USP9X: variants seen among roughly 807,000 people sequenced by gnomAD.
The protein encoded by USP9X is ubiquitin carboxyl-terminal hydrolase 9X.
In USP9X, 7 loss-of-function variants were observed where a neutral mutation model predicts 190.3. The ratio of observed to expected loss-of-function variants is 0.04; its 90% CI spans 0.02 to 0.07. USP9X has a LOEUF of 0.07. Ranked by LOEUF, USP9X falls within the 10% of genes least tolerant of loss-of-function variation. The pLI, the probability that USP9X is intolerant of heterozygous loss-of-function variation, is 1.00. For synonymous variants in USP9X, 645 were observed against 659.5 expected (o/e 0.98, Z 0.34); for missense variants, 1,010 against 1,916.9 (o/e 0.53, Z 8.83).
At chrX:41,177,616 G>A (rs1444179360) in intron 21 of USP9X, among the ~76,000 whole-genome samples, 5 of 112,111 alleles carry the variant, frequency 4.5e-5, no homozygotes, top group African/African-American at 6.5e-5. Context: ...TTGAGACTTC[G>A]TAACTATCTT....
At chrX:41,205,718 A>G (rs922437730) in intron 32 of USP9X, among the ~76,000 whole-genome samples, 3 of 107,364 alleles carry the variant, frequency 2.8e-5, no homozygotes, top group Non-Finnish European at 3.8e-5. Flanking sequence ...TCTCTTAACC[A>G]TATTATTAAC....
chrX:41,119,252 T>C (rs1245035098), intron 1 of USP9X, among the ~76,000 whole-genome samples: 2 of 110,900 alleles, frequency 1.8e-5, no homozygotes. Context: ...GTGGCTCACA[T>C]CTGTAATCCT....
At chrX:41,216,916 ACCTGTAGTCCCAGCTACTC>A (rs1018335286) in intron 35 of USP9X, among the ~76,000 whole-genome samples, 72 of 110,155 alleles carry the variant, frequency 6.5e-4, no homozygotes, top group African/African-American at 1.7e-3. Flanking sequence ...GGTGGCATGC[ACCTGTAGTCCCAGCTACTC>A]CCTGTAGTCC....
chrX:41,170,755 A>G (rs1340143374), intron 20 of USP9X, 136 bp downstream of exon 20: 1 of 591,164 alleles, frequency 1.7e-6, no homozygotes, highest in African/African-American at 2.3e-5. Context: ...GTTAACCACC[A>G]ACTTCAGAAT....
At chrX:41,192,798 C>T (rs1428246225) in intron 26 of USP9X, among the ~76,000 whole-genome samples, 1 of 110,817 alleles carries the variant, frequency 9.0e-6, no homozygotes, top group Non-Finnish European at 1.9e-5. Context: ...AGCTTACATG[C>T]CAAAAGGGAT....
intron 14 of USP9X, among the ~76,000 whole-genome samples, chrX:41,157,876 A>G (rs944309725): frequency 8.9e-6 from 1 of 112,209 alleles, no homozygotes; most frequent in East Asian, 2.8e-4. Context: ...AACCATGTCT[A>G]AAGAATTTTT....
At chrX:41,209,146 T>C (rs2063135750) in intron 32 of USP9X, among the ~76,000 whole-genome samples, 1 of 111,868 alleles carries the variant, frequency 8.9e-6, no homozygotes, top group Non-Finnish European at 1.9e-5. Flanking sequence ...CCAAGTAATA[T>C]AATAACGATT....
chrX:41,229,963 G>T, intron 43 of USP9X, 184 bp downstream of exon 43: 1 of 770,316 alleles, frequency 1.3e-6, no homozygotes, highest in Non-Finnish European at 1.8e-6. Flanking sequence ...CACTTTGGGA[G>T]GCCGAGGCAG....
intron 40 of USP9X, 40 bp from the exon 41 acceptor site, chrX:41,225,009 C>G (rs761306726): frequency 3.6e-5 from 44 of 1,206,155 alleles, no homozygotes; most frequent in Middle Eastern, 4.6e-4. Context: ...ATTTGTTATT[C>G]CTTTCATTAA....
At chrX:41,196,454 C>A in intron 27 of USP9X, 95 bp downstream of exon 27, 1 of 1,075,742 alleles carries the variant, frequency 9.3e-7, no homozygotes, top group Non-Finnish European at 1.3e-6. Context: ...AAAGTTAGGA[C>A]AGTCTATATT....
At chrX:41,139,707 C>T (rs1195992474) in intron 6 of USP9X, among the ~76,000 whole-genome samples, 1 of 112,242 alleles carries the variant, frequency 8.9e-6, no homozygotes, top group East Asian at 2.8e-4. Flanking sequence ...ATCATATTTT[C>T]TCTTTAAACA....
In USP9X at chrX:41,199,740, CTTTAAGTTGCATGTA is replaced by C. The variant is rs1287338163; in HGVS notation, c.4603+993_4603+1007del. Among the ~76,000 whole-genome samples, 5 of 111,981 alleles carry C rather than the reference CTTTAAGTTGCATGTA, an allele frequency of 4.5e-5. No individual in the cohort carries two copies. The East Asian group carries it at 1.4e-3, about 31-fold the overall frequency. The stretch of plus-strand genomic sequence containing the variant: ...CACCGCACCTGGCCCAGACTTAAAA[CTTTAAGTTGCATGTA>C]TTGGAAAACCTTTCAGGTCTTCACT... On this transcript the variant is annotated intron_variant, in intron 30 of 44. Coordinates refer to ENST00000378308, the MANE Select transcript of USP9X (RefSeq NM_001039591.3).
chrX:41,118,804 C>G (rs1335197028), intron 1 of USP9X, among the ~76,000 whole-genome samples: 2 of 111,509 alleles, frequency 1.8e-5, no homozygotes, highest in Non-Finnish European at 3.8e-5. Flanking sequence ...CGTGTAGAGC[C>G]AACTCTCTAG....
At chrX:41,133,346 T>A (rs190359718) in intron 4 of USP9X, among the ~76,000 whole-genome samples, 2 of 111,921 alleles carry the variant, frequency 1.8e-5, no homozygotes, top group Admixed American at 1.9e-4. Flanking sequence ...TATCTTTTTT[T>A]ATTTTAAAAA....
At chrX:41,210,236 G>A (rs1280494376) in intron 32 of USP9X, among the ~76,000 whole-genome samples, 11 of 111,825 alleles carry the variant, frequency 9.8e-5, no homozygotes, top group Non-Finnish European at 1.1e-4. Context: ...TCCTGGAGCC[G>A]TACTATCCAT....
intron 4 of USP9X, among the ~76,000 whole-genome samples, chrX:41,133,057 ATAAC>A (rs904068728): frequency 2.7e-5 from 3 of 112,162 alleles, no homozygotes; most frequent in African/African-American, 9.7e-5. Flanking sequence ...TGGATGTGTT[ATAAC>A]TAACAGTAGG....
At chrX:41,221,409 A>G (rs17315436) in intron 38 of USP9X, among the ~76,000 whole-genome samples, 14,829 of 111,544 alleles carry the variant, frequency 0.13, 899 homozygotes, top group East Asian at 0.22. Context: ...TTGCCATAAA[A>G]TATGTTAATA....
At chrX:41,222,898 G>A (rs771378759) in intron 38 of USP9X, among the ~76,000 whole-genome samples, 26 of 111,449 alleles carry the variant, frequency 2.3e-4, no homozygotes, top group East Asian at 5.6e-4. Flanking sequence ...GCGAGAGAGC[G>A]AGACTGTCTC....
intron 21 of USP9X, among the ~76,000 whole-genome samples, chrX:41,177,939 G>T (rs2062790101): frequency 1.8e-5 from 2 of 108,664 alleles, no homozygotes; most frequent in Non-Finnish European, 3.8e-5. Context: ...TTTTTTTAAG[G>T]TACTTTATTG....
Sources: gnomAD v4.1 joint callset for allele counts (sites outside exome capture counted in the v4.1 genomes callset) on GRCh38, gnomAD v4.1.1 for gene constraint, MANE v1.5 for transcripts, NCBI Gene and HGNC (gene_info 2026-07-23, HGNC 2026-07-21) for gene names.